PLCL2: variants seen among roughly 807,000 people sequenced by gnomAD.
PLCL2 encodes the protein phospholipase C like 2, also known as inactive phospholipase C-like protein 2.
PLCL2 carries 4 observed loss-of-function variants against 79.6 expected under a neutral mutation model. The ratio of observed to expected loss-of-function variants is 0.05; its 90% CI spans 0.02 to 0.11. PLCL2 has a LOEUF of 0.11. PLCL2 is among the 10% of genes least tolerant of loss of function. The pLI is 1.00. For synonymous variants in PLCL2, 484 were observed against 457.7 expected (o/e 1.06, Z -0.73); for missense variants, 895 against 1,291.0 (o/e 0.69, Z 4.70).
intron 1 of PLCL2, among the ~76,000 whole-genome samples, chr3:16,913,205 C>T (rs1256119005): frequency 1.3e-5 from 2 of 152,038 alleles, no homozygotes; most frequent in Non-Finnish European, 2.9e-5. Context: ...GACTGGGCCT[C>T]GCAAACTGAC....
chr3:16,948,388 A>G (rs954838386), intron 1 of PLCL2, among the ~76,000 whole-genome samples: 2 of 151,980 alleles, frequency 1.3e-5, no homozygotes, highest in Non-Finnish European at 2.9e-5. Context: ...AAGGGGAGTG[A>G]CTGCTAATGG....
At chr3:16,890,350 A>G (rs139095893) in intron 1 of PLCL2, among the ~76,000 whole-genome samples, 1 of 152,336 alleles carries the variant, frequency 6.6e-6, no homozygotes, top group East Asian at 1.9e-4. Flanking sequence ...TTATTTTCTT[A>G]GAATGTTCTA....
At chr3:16,954,299 A>G (rs1470801432) in intron 1 of PLCL2, among the ~76,000 whole-genome samples, 2 of 152,112 alleles carry the variant, frequency 1.3e-5, no homozygotes, top group African/African-American at 4.8e-5. Flanking sequence ...TCCTTGCGAT[A>G]GTTTGCTGAG....
chr3:16,885,480 G>T, intron 1 of PLCL2, 114 bp downstream of exon 1: 1 of 495,630 alleles, frequency 2.0e-6, no homozygotes, highest in Non-Finnish European at 3.6e-6. Context: ...AACCACTGGA[G>T]CATGGGTGCT....
chr3:16,953,330 A>G (rs773841397), intron 1 of PLCL2, among the ~76,000 whole-genome samples: 7 of 152,288 alleles, frequency 4.6e-5, no homozygotes, highest in South Asian at 4.1e-4. Flanking sequence ...ATGTATTTCT[A>G]TCATTTTGAA....
intron 1 of PLCL2, among the ~76,000 whole-genome samples, chr3:16,997,532 C>CT (rs747893839): frequency 0.084 from 11,058 of 131,612 alleles, 565 homozygotes; most frequent in Admixed American, 0.14. Flanking sequence ...AATTTCTTTT[C>CT]TTTTTTTTTT....
chr3:17,081,911 A>G (rs1296028475), intron 5 of PLCL2, among the ~76,000 whole-genome samples: 2 of 152,256 alleles, frequency 1.3e-5, no homozygotes, highest in African/African-American at 2.4e-5. Context: ...CAAGATGAAA[A>G]CAAAATAGAA....
At chr3:16,909,718 A>G (rs563450865) in intron 1 of PLCL2, among the ~76,000 whole-genome samples, 9 of 152,328 alleles carry the variant, frequency 5.9e-5, no homozygotes, top group East Asian at 1.9e-4. Context: ...ATTTCTGTTC[A>G]GCAAAAGCCA....
chr3:17,055,646 G>A (rs888962265), intron 4 of PLCL2, among the ~76,000 whole-genome samples: 1 of 152,158 alleles, frequency 6.6e-6, no homozygotes, highest in African/African-American at 2.4e-5. Context: ...AATGCTTGTT[G>A]AAAATGCAGT....
At chr3:16,958,028 A>C (rs2063722982) in intron 1 of PLCL2, among the ~76,000 whole-genome samples, 1 of 152,100 alleles carries the variant, frequency 6.6e-6, no homozygotes, top group African/African-American at 2.4e-5. Flanking sequence ...GTCCATTTAC[A>C]TTTAAAGTTA....
At chr3:17,055,123 A>G (rs1304450630) in intron 4 of PLCL2, among the ~76,000 whole-genome samples, 1 of 152,202 alleles carries the variant, frequency 6.6e-6, no homozygotes, top group East Asian at 1.9e-4. Context: ...ATTGTAGCCC[A>G]TCATCATTAC....
chr3:17,008,581 C>A (rs1196305256), intron 1 of PLCL2, among the ~76,000 whole-genome samples: 5 of 151,954 alleles, frequency 3.3e-5, no homozygotes, highest in Non-Finnish European at 7.4e-5. Flanking sequence ...AACCAGGTAA[C>A]CCAGATGATT....
In PLCL2 at chr3:17,011,156, C is replaced by T. The variant is rs1172767669; in HGVS notation, c.1810C>T (p.Pro604Ser). ...QRMGKENMEQPNNVPVKRFQL... is the reference protein window; with the variant it reads ...QRMGKENMEQSNNVPVKRFQL... ...GATGGGAAAAGAGAACATGGAGCAACCCAATAATGTGCCTGTGAAGCGATT... is the reference window on the plus strand; with the variant it reads ...GATGGGAAAAGAGAACATGGAGCAATCCAATAATGTGCCTGTGAAGCGATT... The change falls in exon 2 of 6, where the codon CCC becomes TCC. Residue 604 changes from proline (P) to serine (S), a missense_variant. Coordinates refer to ENST00000615277, the MANE Select transcript of PLCL2 (RefSeq NM_001144382.2). This position sits in a 1 kb window ranked among gnomAD's most constrained non-coding sequence, Gnocchi z 7.9. The T allele has an allele frequency of 1.2e-6, 2 of 1,614,136 alleles. No individual in the cohort carries two copies. The highest frequency in any genetic ancestry group is 4.5e-5 in the East Asian group (2 of 44,866).
At chr3:16,967,762 TTTAA>T (rs1323765326) in intron 1 of PLCL2, among the ~76,000 whole-genome samples, 3 of 152,190 alleles carry the variant, frequency 2.0e-5, no homozygotes, top group Non-Finnish European at 4.4e-5. Flanking sequence ...AGATCTTTAG[TTTAA>T]TTAAGTCCCA....
intron 3 of PLCL2, among the ~76,000 whole-genome samples, chr3:17,033,624 A>C (rs2064609679): frequency 6.6e-6 from 1 of 152,118 alleles, no homozygotes; most frequent in Non-Finnish European, 1.5e-5. Flanking sequence ...CATCCACCAT[A>C]TTCTTCAATT....
chr3:17,017,648 G>A (rs1447183751), intron 3 of PLCL2, among the ~76,000 whole-genome samples: 1 of 152,138 alleles, frequency 6.6e-6, no homozygotes, highest in Non-Finnish European at 1.5e-5. Context: ...CATGTATAAT[G>A]TATGGAGGCG....
chr3:17,047,152 C>A (rs1192669488), intron 4 of PLCL2, among the ~76,000 whole-genome samples: 1 of 152,022 alleles, frequency 6.6e-6, no homozygotes, highest in African/African-American at 2.4e-5. Flanking sequence ...ATGCATAATT[C>A]TAGCAAAAAT....
At chr3:16,982,976 A>G (rs2064015522) in intron 1 of PLCL2, among the ~76,000 whole-genome samples, 1 of 152,214 alleles carries the variant, frequency 6.6e-6, no homozygotes, top group African/African-American at 2.4e-5. Context: ...ATCTACCATT[A>G]GTGGGCTTTT....
intron 4 of PLCL2, among the ~76,000 whole-genome samples, chr3:17,046,738 A>C (rs992168243): frequency 2.0e-5 from 3 of 152,196 alleles, no homozygotes; most frequent in African/African-American, 7.2e-5. Flanking sequence ...TAATTGGCTT[A>C]GCTGCCCACT....
Sources: gnomAD v4.1 joint callset for allele counts (sites outside exome capture counted in the v4.1 genomes callset) on GRCh38, gnomAD v4.1.1 for gene constraint, Gnocchi (gnomAD v3.1) non-coding constraint, MANE v1.5 for transcripts, NCBI Gene and HGNC (gene_info 2026-07-23, HGNC 2026-07-21) for gene names.